ARFIP1: variants seen among roughly 807,000 people sequenced by gnomAD.
ARFIP1 encodes the protein ARF interacting protein 1, also known as arfaptin-1.
In ARFIP1, 24 loss-of-function variants were observed where a neutral mutation model predicts 42.5. The ratio of observed to expected loss-of-function variants is 0.57; its 90% CI spans 0.41 to 0.80. The LOEUF is 0.80. Ranked by LOEUF, ARFIP1 falls within the 30% of genes least tolerant of loss-of-function variation. The pLI is 0.00. For missense variants in ARFIP1, 354 were observed against 434.0 expected (o/e 0.82, Z 1.64); for synonymous variants, 141 against 153.7 (o/e 0.92, Z 0.61).
At chr4:152,839,254 G>A (rs926963646) in intron 2 of ARFIP1, among the ~76,000 whole-genome samples, 1 of 152,016 alleles carries the variant, frequency 6.6e-6, no homozygotes, top group Non-Finnish European at 1.5e-5. Flanking sequence ...TTTTGATTAT[G>A]TCCTTTCCTG....
chr4:152,821,745 A>G (rs939274110), intron 1 of ARFIP1, among the ~76,000 whole-genome samples: 7 of 152,222 alleles, frequency 4.6e-5, no homozygotes, highest in Non-Finnish European at 1.5e-5. Context: ...GTTAGACAAA[A>G]GCATCAGGTA....
chr4:152,894,098 C>T (rs1029376078), intron 8 of ARFIP1, among the ~76,000 whole-genome samples: 1 of 151,626 alleles, frequency 6.6e-6, no homozygotes, highest in Non-Finnish European at 1.5e-5. Context: ...ATTCCAGCTA[C>T]TCCCAAGGCT....
At chr4:152,904,968 C>T (rs1301264998) in intron 8 of ARFIP1, among the ~76,000 whole-genome samples, 2 of 152,150 alleles carry the variant, frequency 1.3e-5, no homozygotes, top group African/African-American at 2.4e-5. Flanking sequence ...TGAGGAATCA[C>T]CACACTGTCT....
intron 2 of ARFIP1, among the ~76,000 whole-genome samples, chr4:152,850,256 TCAGCCTAGACAG>T (rs1252288458): frequency 6.6e-6 from 1 of 152,222 alleles, no homozygotes; most frequent in Non-Finnish European, 1.5e-5. Context: ...GTGAAAACTT[TCAGCCTAGACAG>T]CGAATATATC....
chr4:152,850,627 G>T (rs1438277657), intron 2 of ARFIP1: 4 of 152,104 alleles, frequency 2.6e-5, no homozygotes, highest in Non-Finnish European at 5.9e-5. Context: ...TTGAAATTCG[G>T]ATTTCTGGGC....
At position 152,804,282 on chromosome 4, in the gene ARFIP1, T is replaced by TGTATTACATATTATATATATAAC. The variant is rs1316587628; in HGVS notation, c.-10+24056_-10+24057insGTATTACATATTATATATATAAC. ...TGTATTATATATTATATATATAACA[T>TGTATTACATATTATATATATAAC]AACATGTATTATATATATTATATAT... On this transcript the variant is annotated intron_variant, in intron 1 of 8. Coordinates refer to ENST00000353617, the MANE Select transcript of ARFIP1 (RefSeq NM_001025595.3). 2.0e-3 allele frequency among the ~76,000 whole-genome samples: 152 copies of TGTATTACATATTATATATATAAC among 76,944 alleles called. 31 individuals are homozygous for TGTATTACATATTATATATATAAC. The highest frequency in any genetic ancestry group is 3.1e-3 in the Non-Finnish European group (131 of 42,144). The allele number at this position is 76,944 out of a possible 152,430, so 50.5% of individuals were successfully genotyped here. A position where few individuals can be genotyped will look rare whatever the true frequency, so the allele number is the denominator to read the frequency against.
At position 152,862,147 on chromosome 4, in the gene ARFIP1, A is replaced by G. The variant is rs575860600; in HGVS notation, c.94-1459A>G. Among the ~76,000 whole-genome samples the G allele has an allele frequency of 5.9e-5, 9 of 152,278 alleles. 1 individual carries two copies. The South Asian group carries it at 1.9e-3, about 32-fold the overall frequency. The stretch of plus-strand genomic sequence containing the variant: ...TAGCCTAGTTGCTGGCCTCCATGCT[A>G]TCCCAATAATATGATAATGACTGCC... On this transcript the variant is annotated intron_variant, in intron 2 of 8. Coordinates refer to ENST00000353617, the MANE Select transcript of ARFIP1 (RefSeq NM_001025595.3).
At chr4:152,876,376 A>G (rs1735330687) in intron 5 of ARFIP1, among the ~76,000 whole-genome samples, 1 of 152,194 alleles carries the variant, frequency 6.6e-6, no homozygotes, top group Non-Finnish European at 1.5e-5. Flanking sequence ...TAGCAAAGAG[A>G]CTGGCGGCAT....
At position 152,890,006 on chromosome 4, in the gene ARFIP1, A is replaced by G. The variant is rs1014270073; in HGVS notation, c.966+1699A>G. Among the ~76,000 whole-genome samples the G allele has an allele frequency of 4.0e-5, 6 of 149,234 alleles. No homozygotes were observed. The Admixed American group carries it at 4.1e-4, about 10-fold the overall frequency. ...TTTAGTCATATATATAATGGATGTG[A>G]ATATATCAATATTTAGATAATAGAC... is the stretch of plus-strand genomic sequence containing the variant. On this transcript the variant is annotated intron_variant, in intron 8 of 8. Coordinates refer to ENST00000353617, the MANE Select transcript of ARFIP1 (RefSeq NM_001025595.3).
At chr4:152,883,017 C>A in intron 7 of ARFIP1, 137 bp downstream of exon 7, 1 of 846,792 alleles carries the variant, frequency 1.2e-6, no homozygotes, top group Admixed American at 3.3e-5. Flanking sequence ...TATAGGATGC[C>A]TCTACAGACC....
intron 2 of ARFIP1, among the ~76,000 whole-genome samples, chr4:152,858,628 A>G (rs990827791): frequency 5.3e-5 from 8 of 152,210 alleles, no homozygotes; most frequent in Non-Finnish European, 1.0e-4. Flanking sequence ...TCATTCAACA[A>G]ATTCATTATT....
chr4:152,820,354 G>A (rs1470579193), intron 1 of ARFIP1, among the ~76,000 whole-genome samples: 1 of 152,158 alleles, frequency 6.6e-6, no homozygotes, highest in Admixed American at 6.5e-5. Flanking sequence ...CACTACTGGG[G>A]AACAATAAGC....
chr4:152,897,973 T>G (rs907754294), intron 8 of ARFIP1, among the ~76,000 whole-genome samples: 21 of 150,446 alleles, frequency 1.4e-4, no homozygotes, highest in Non-Finnish European at 2.9e-4. Context: ...GAATTTGACT[T>G]TGCAATGTTC....
intron 8 of ARFIP1, among the ~76,000 whole-genome samples, chr4:152,898,986 A>G (rs1445998964): frequency 2.0e-5 from 3 of 152,168 alleles, no homozygotes; most frequent in Admixed American, 6.5e-5. Context: ...CCTATTGCCC[A>G]GTGTCCAAAA....
At chr4:152,889,856 CTA>C (rs1252211381) in intron 8 of ARFIP1, among the ~76,000 whole-genome samples, 4 of 120,610 alleles carry the variant, frequency 3.3e-5, no homozygotes, top group African/African-American at 3.3e-5. Flanking sequence ...ACTATATATA[CTA>C]TATATACTAT....
chr4:152,793,810 TA>T (rs1397777408), intron 1 of ARFIP1, among the ~76,000 whole-genome samples: 2 of 152,184 alleles, frequency 1.3e-5, no homozygotes, highest in Admixed American at 6.5e-5. Flanking sequence ...GGTGCTGTTT[TA>T]TACAGGCGGT....
intron 1 of ARFIP1, among the ~76,000 whole-genome samples, chr4:152,794,625 A>T (rs1443356665): frequency 1.3e-5 from 2 of 152,164 alleles, no homozygotes; most frequent in African/African-American, 4.8e-5. Flanking sequence ...GTTTCTCCTC[A>T]AACTATTGCT....
At chr4:152,855,648 G>A (rs536325728) in intron 2 of ARFIP1, among the ~76,000 whole-genome samples, 5 of 152,348 alleles carry the variant, frequency 3.3e-5, no homozygotes, top group African/African-American at 4.8e-5. Flanking sequence ...GCACCTTGCC[G>A]TATCTGCTTA....
chr4:152,818,668 G>A (rs1730106827), intron 1 of ARFIP1, among the ~76,000 whole-genome samples: 1 of 152,170 alleles, frequency 6.6e-6, no homozygotes, highest in African/African-American at 2.4e-5. Flanking sequence ...CCACAGACTG[G>A]GAATGGTGTT....
Sources: gnomAD v4.1 joint callset for allele counts (sites outside exome capture counted in the v4.1 genomes callset) on GRCh38, gnomAD v4.1.1 for gene constraint, MANE v1.5 for transcripts, NCBI Gene and HGNC (gene_info 2026-07-23, HGNC 2026-07-21) for gene names.